Variants in HEG1 observed in about 807,000 individuals in gnomAD.
The protein encoded by HEG1 is protein HEG homolog 1.
HEG1 carries 56 observed loss-of-function variants against 125.6 expected under a neutral mutation model. That is an observed-to-expected ratio of 0.45 (90% CI 0.36 to 0.56). The LOEUF is 0.56. Ranked by LOEUF, HEG1 falls within the 20% of genes least tolerant of loss-of-function variation. The pLI is 0.00. For missense variants in HEG1, 1,523 were observed against 1,670.0 expected, an observed-to-expected ratio of 0.91 and a Z score of 1.53; for synonymous variants, 644 against 668.5, an observed-to-expected ratio of 0.96 and a Z score of 0.57.
rs1936328476 is a variant in HEG1, at chr3:124,967,081, T to A, written c.*3571A>T. On this transcript the variant is annotated 3_prime_UTR_variant, in exon 17 of 17. Coordinates refer to ENST00000311127, the MANE Select transcript of HEG1 (RefSeq NM_020733.2). ...CATCAGCCAACTTGACTGAACCACCTATCAGCAATTTTGGCTCTAAATGTC... is the reference window on the plus strand; with the variant it reads ...CATCAGCCAACTTGACTGAACCACCAATCAGCAATTTTGGCTCTAAATGTC... 1 of 152,252 alleles carries A rather than the reference T, an allele frequency of 6.6e-6. No individual in the cohort carries two copies. Among genetic ancestry groups the A allele is most frequent in the Non-Finnish European group, 1.5e-5 (1 of 68,042 alleles). 9.4% of individuals were successfully genotyped at this position (152,252 alleles called of 1,614,324 possible).
intron 12 of HEG1, among the ~76,000 whole-genome samples, chr3:124,991,590 C>A (rs532292621): frequency 6.6e-6 from 1 of 152,236 alleles, no homozygotes; most frequent in African/African-American, 2.4e-5. Flanking sequence ...TACATAGTAA[C>A]CACTAAATCA....
At chr3:124,997,583 G>T in intron 12 of HEG1, 106 bp downstream of exon 12, 2 of 1,106,882 alleles carry the variant, frequency 1.8e-6, no homozygotes, top group Non-Finnish European at 2.4e-6. Context: ...CCTCAGTTTA[G>T]AATGGTCACG....
chr3:125,025,563 T>C (rs1233580539), intron 3 of HEG1, among the ~76,000 whole-genome samples: 1 of 152,024 alleles, frequency 6.6e-6, no homozygotes. Context: ...AAAATATACG[T>C]GAAAAAAATA....
intron 1 of HEG1, among the ~76,000 whole-genome samples, chr3:125,045,797 A>G (rs145414654): frequency 3.5e-4 from 54 of 152,338 alleles, no homozygotes; most frequent in Non-Finnish European, 6.9e-4. Context: ...AAGCGCGTCC[A>G]TGTGGATCAG....
At chr3:125,020,755 A>G in intron 4 of HEG1, 37 bp downstream of exon 4, 1 of 1,533,850 alleles carries the variant, frequency 6.5e-7, no homozygotes, top group Non-Finnish European at 8.9e-7. Flanking sequence ...TGATTTACAA[A>G]TGTCCCTAAT....
At position 124,970,760 on chromosome 3, in the gene HEG1, G is replaced by C. The variant is rs1054759888; in HGVS notation, c.4038C>G (p.Leu1346=). The C allele has an allele frequency of 1.2e-6, 2 of 1,610,710 alleles. No homozygotes were observed. Among genetic ancestry groups the C allele is most frequent in the Non-Finnish European group, 1.7e-6 (2 of 1,178,590 alleles). Residue 1346 remains leucine (L), a synonymous_variant, in exon 17 of 17, where the codon CTC becomes CTG. Transcript: ENST00000311127. ...CTGGCAGTCCAGTGTAGGCCGGGTA[G>C]AGTCCGTTTCGTTCAAGTTCTGGAT... The part of the protein sequence containing the change: ...VRNPELERNG[L]YPAYTGLPGS...
chr3:125,038,826 C>T (rs928554808), intron 1 of HEG1, among the ~76,000 whole-genome samples: 16 of 152,144 alleles, frequency 1.1e-4, no homozygotes, highest in South Asian at 2.1e-4. Flanking sequence ...GGAAAGGAGA[C>T]GGGATTCCTC....
At chr3:125,004,331 A>T (rs559386508) in intron 9 of HEG1, among the ~76,000 whole-genome samples, 1 of 152,304 alleles carries the variant, frequency 6.6e-6, no homozygotes, top group African/African-American at 2.4e-5. Context: ...TTTAATGGCA[A>T]ATTTCAATTT....
intron 5 of HEG1, 82 bp downstream of exon 5, chr3:125,019,180 T>A: frequency 7.9e-7 from 1 of 1,263,394 alleles, no homozygotes; most frequent in Non-Finnish European, 1.1e-6. Context: ...CATGCGTGGT[T>A]TTAATACGCC....
rs1936372208 is a variant in HEG1, at chr3:124,968,881, A to G, written c.*1771T>C. ...AAATTTTAGGTTAGCCTCCACTGAT[A>G]AAAACAGTTCTCCTTTTATTTATCT... On this transcript the variant is annotated 3_prime_UTR_variant, in exon 17 of 17. Coordinates refer to ENST00000311127, the MANE Select transcript of HEG1 (RefSeq NM_020733.2). 1 of 152,234 alleles carries G rather than the reference A, an allele frequency of 6.6e-6. No individual in the cohort carries two copies. The highest frequency in any genetic ancestry group is 1.5e-5 in the Non-Finnish European group (1 of 68,036). The allele number at this position is 152,234 out of a possible 1,614,324, so 9.4% of individuals were successfully genotyped here. A position where few individuals can be genotyped will look rare whatever the true frequency, so the allele number is the denominator to read the frequency against.
At chr3:124,994,374 C>T (rs972685912) in intron 12 of HEG1, among the ~76,000 whole-genome samples, 15 of 152,216 alleles carry the variant, frequency 9.9e-5, no homozygotes, top group African/African-American at 3.4e-4. Flanking sequence ...ATTCTGACCA[C>T]AGAGCACTGA....
At position 125,022,684 on chromosome 3, in the gene HEG1, T is replaced by TA. The variant is rs1330146530; in HGVS notation, c.914-1555dup. Among the ~76,000 whole-genome samples, 269 of 106,262 alleles carry TA rather than the reference T, an allele frequency of 2.5e-3. 4 individuals are homozygous for TA. Among genetic ancestry groups the TA allele is most frequent in the Admixed American group, 0.018 (189 of 10,788 alleles). 69.7% of individuals were successfully genotyped at this position (106,262 alleles called of 152,430 possible). On this transcript the variant is annotated intron_variant, in intron 3 of 16. Transcript: ENST00000311127. ...AAACAAACAAAACACACTTCAGTAT[T>TA]AAAAAAAAAAAGAAATAAATAAATA...
chr3:125,010,653 T>C, intron 6 of HEG1, 98 bp from the exon 7 acceptor site: 2 of 797,788 alleles, frequency 2.5e-6, no homozygotes, highest in South Asian at 3.8e-5. Flanking sequence ...ATTTGATTCT[T>C]GCTTATTTCT....
chr3:124,971,006 C>T (rs971517801), intron 16 of HEG1: 4 of 624,912 alleles, frequency 6.4e-6, no homozygotes, highest in Non-Finnish European at 1.2e-5. Context: ...TCCCAGCAAC[C>T]ATGCAGAAGG....
chr3:125,015,800 AC>A (rs370074525), intron 5 of HEG1, among the ~76,000 whole-genome samples: 6 of 149,476 alleles, frequency 4.0e-5, no homozygotes, highest in African/African-American at 9.7e-5. Flanking sequence ...AGAAAAAAAA[AC>A]CCAAAAAACA....
Position 124,990,793 on chromosome 3 carries a change from C to A in HEG1, c.3727G>T (p.Gly1243Ter). 1 of 1,562,210 alleles carries A rather than the reference C, an allele frequency of 6.4e-7. No homozygotes were observed. Among genetic ancestry groups the A allele is most frequent in the East Asian group, 2.4e-5 (1 of 42,116 alleles). The change falls in exon 14 of 17, where the codon GGA becomes TGA. Residue 1243 changes from glycine (G) to a stop codon, truncating the protein, a stop_gained. Coordinates refer to ENST00000311127, the MANE Select transcript of HEG1 (RefSeq NM_020733.2). LOFTEE classifies it high-confidence loss of function. ...TCCACTTTTGTACACTTACGGTTTC[C>A]ACAGTTGAGACCACCAAGGCCAAAT... is the stretch of plus-strand genomic sequence containing the variant. Reference protein sequence around the residue: ...CPFGLGGLNCGNPYQLITVVI... With the variant: ...CPFGLGGLNC
intron 14 of HEG1, 41 bp from the exon 15 acceptor site, chr3:124,977,987 A>G: frequency 7.1e-7 from 1 of 1,417,752 alleles, no homozygotes; most frequent in Admixed American, 2.0e-5. Context: ...GGCTGGAGGT[A>G]ATGAAGGAAT....
chr3:124,998,052 C>T (rs1010523591), intron 11 of HEG1, among the ~76,000 whole-genome samples: 6 of 152,192 alleles, frequency 3.9e-5, no homozygotes, highest in Admixed American at 6.5e-5. Context: ...CAGTGTTCCC[C>T]GTTGAAAACA....
At position 125,027,459 on chromosome 3, in the gene HEG1, C is replaced by A. The variant is rs750844448; in HGVS notation, c.659G>T (p.Arg220Ile). Residue 220 changes from arginine (R) to isoleucine (I), a missense_variant, in exon 3 of 17, where the codon AGA (arginine) becomes ATA (isoleucine). Coordinates refer to ENST00000311127, the MANE Select transcript of HEG1 (RefSeq NM_020733.2). ...ACTCTTTGTTTGAAAAGCGGCAATTCTTTCATCGAACTCTGAACTGCTGGA... is the reference window on the plus strand; with the variant it reads ...ACTCTTTGTTTGAAAAGCGGCAATTATTTCATCGAACTCTGAACTGCTGGA... ...LPSSSSEFDE[R>I]IAAFQTKSGT... is the part of the protein sequence containing the mutation. The A allele has an allele frequency of 9.9e-6, 16 of 1,613,474 alleles. No individual in the cohort carries two copies. Among genetic ancestry groups the A allele is most frequent in the Non-Finnish European group, 1.3e-5 (15 of 1,179,760 alleles).
Sources: allele counts gnomAD v4.1 joint callset (sites outside exome capture counted in the v4.1 genomes callset), GRCh38; gene constraint gnomAD v4.1.1; transcripts MANE v1.5; gene names NCBI Gene and HGNC (gene_info 2026-07-23, HGNC 2026-07-21).